HMGCLL1: variants seen among roughly 807,000 people sequenced by gnomAD.
HMGCLL1 encodes 3-hydroxymethyl-3-methylglutaryl-CoA lyase, cytoplasmic.
A neutral mutation model predicts 39.1 loss-of-function variants in HMGCLL1; 36 were observed. That is an observed-to-expected ratio of 0.92 (90% CI 0.71 to 1.22). The LOEUF (loss-of-function observed/expected upper bound fraction) is 1.22. HMGCLL1 is among the 50% of genes most tolerant of loss of function. The pLI, the probability that HMGCLL1 is intolerant of heterozygous loss-of-function variation, is 0.00. For synonymous variants in HMGCLL1, 149 were observed against 144.0 expected (o/e 1.03, Z -0.25); for missense variants, 451 against 416.5 (o/e 1.08, Z -0.72).
Position 55,575,373 on chromosome 6 carries a change from T to C in HMGCLL1, c.108+3575A>G, listed in dbSNP as rs1165880019. 2.0e-5 allele frequency among the ~76,000 whole-genome samples: 3 copies of C among 152,124 alleles called. No homozygotes were observed. The East Asian group carries it at 5.8e-4, about 29-fold the overall frequency. ...TGATAGTACATTGTTAAACTTCTAA[T>C]ATGTATATGTGTATATATTCATACA... On this transcript the variant is annotated intron_variant, in intron 1 of 8. Coordinates refer to ENST00000274901, the MANE Select transcript of HMGCLL1 (RefSeq NM_001042406.2).
chr6:55,631,670 T>G, the HMGCLL1 span, among the ~76,000 whole-genome samples: 1 of 152,168 alleles, frequency 6.6e-6, no homozygotes, highest in East Asian at 1.9e-4. Flanking sequence ...AATAATTCAT[T>G]GATTACTATG....
chr6:55,667,143 G>C, the HMGCLL1 span, among the ~76,000 whole-genome samples: 1 of 151,590 alleles, frequency 6.6e-6, no homozygotes, highest in Admixed American at 6.6e-5. Flanking sequence ...CAAGAAGGTG[G>C]ACAATATTTA....
At chr6:55,676,815 G>A in the HMGCLL1 span, among the ~76,000 whole-genome samples, 5 of 152,232 alleles carry the variant, frequency 3.3e-5, no homozygotes, top group Non-Finnish European at 4.4e-5. Flanking sequence ...CTTAATAAAT[G>A]CAGTGTAGAA....
chr6:55,572,124 A>G (rs936966386), intron 1 of HMGCLL1, among the ~76,000 whole-genome samples: 2 of 152,178 alleles, frequency 1.3e-5, no homozygotes, highest in African/African-American at 4.8e-5. Flanking sequence ...CAAGAGCATA[A>G]ACAAGCCTAC....
chr6:55,639,045 T>C, the HMGCLL1 span, among the ~76,000 whole-genome samples: 1 of 152,146 alleles, frequency 6.6e-6, no homozygotes, highest in Non-Finnish European at 1.5e-5. Flanking sequence ...TATCATTCTA[T>C]AAACTCTAGT....
In HMGCLL1 at chr6:55,439,450, C is replaced by A. The variant is rs539957076; in HGVS notation, c.905G>T (p.Gly302Val). Residue 302 changes from glycine (G) to valine (V), a missense_variant, in exon 8 of 9, where the codon GGC (glycine) becomes GTC (valine). Physicochemically the swap from Gly to Val is moderately radical, Grantham distance 109. Transcript: ENST00000274901. The part of the protein sequence containing the change: ...ATEDLIYMLN[G>V]LGLNTGVNLY... Reference sequence around the variant, plus strand: ...GTAACTTACTGTATTGAGCCCCAGGCCATTAAGCATATATATCAAATCCTC... The same window carrying A: ...GTAACTTACTGTATTGAGCCCCAGGACATTAAGCATATATATCAAATCCTC... The A allele has an allele frequency of 6.2e-7, 1 of 1,612,292 alleles. No homozygotes were observed. Among genetic ancestry groups the A allele is most frequent in the African/African-American group, 1.3e-5 (1 of 74,914 alleles).
chr6:55,532,777 G>C (rs1455481882), intron 3 of HMGCLL1, among the ~76,000 whole-genome samples: 1 of 149,012 alleles, frequency 6.7e-6, no homozygotes, highest in Admixed American at 6.7e-5. Context: ...CTCTAGCCTG[G>C]GCAACAAAGC....
intron 5 of HMGCLL1, among the ~76,000 whole-genome samples, chr6:55,503,856 G>T (rs989040724): frequency 6.6e-6 from 1 of 151,604 alleles, no homozygotes; most frequent in Non-Finnish European, 1.5e-5. Flanking sequence ...TTCCCCTCTA[G>T]CTTCTGTGGC....
chr6:55,492,952 T>C (rs1288423382), intron 7 of HMGCLL1, among the ~76,000 whole-genome samples: 1 of 151,866 alleles, frequency 6.6e-6, no homozygotes, highest in Non-Finnish European at 1.5e-5. Flanking sequence ...ACAGTATCGA[T>C]CTCTCCCCTC....
At chr6:55,507,471 C>T (rs530944097) in intron 5 of HMGCLL1, among the ~76,000 whole-genome samples, 2 of 144,696 alleles carry the variant, frequency 1.4e-5, no homozygotes, top group Admixed American at 1.4e-4. Context: ...ATGATCTGGG[C>T]TGGACACTTC....
At chr6:55,496,860 C>T (rs1458107399) in intron 6 of HMGCLL1, among the ~76,000 whole-genome samples, 2 of 152,070 alleles carry the variant, frequency 1.3e-5, no homozygotes, top group Non-Finnish European at 2.9e-5. Context: ...CAACAGTAAG[C>T]TATTAGTAGT....
At chr6:55,668,349 C>T in the HMGCLL1 span, among the ~76,000 whole-genome samples, 1 of 151,888 alleles carries the variant, frequency 6.6e-6, no homozygotes, top group African/African-American at 2.4e-5. Flanking sequence ...CTCAAAACTT[C>T]TGTAAATTAC....
intron 7 of HMGCLL1, among the ~76,000 whole-genome samples, chr6:55,489,209 A>G (rs1766193837): frequency 1.3e-5 from 2 of 152,108 alleles, no homozygotes; most frequent in Admixed American, 6.6e-5. Flanking sequence ...AAAAATAAAA[A>G]GCTTAATGTG....
At chr6:55,534,912 A>G (rs1416152636) in intron 3 of HMGCLL1, among the ~76,000 whole-genome samples, 1 of 152,198 alleles carries the variant, frequency 6.6e-6, no homozygotes, top group African/African-American at 2.4e-5. Context: ...AATATTTCCC[A>G]CAAGCTGCAT....
intron 1 of HMGCLL1, among the ~76,000 whole-genome samples, chr6:55,558,705 T>C (rs1408559032): frequency 6.6e-6 from 1 of 152,218 alleles, no homozygotes; most frequent in Non-Finnish European, 1.5e-5. Flanking sequence ...TCCTGGAGAC[T>C]GAGCTTTTTC....
the HMGCLL1 span, among the ~76,000 whole-genome samples, chr6:55,667,326 T>C: frequency 6.6e-6 from 1 of 151,836 alleles, no homozygotes; most frequent in African/African-American, 2.4e-5. Context: ...TAAAAATTAA[T>C]AATACTAAGC....
intron 7 of HMGCLL1, among the ~76,000 whole-genome samples, chr6:55,459,665 T>C (rs1030350602): frequency 1.6e-4 from 24 of 152,086 alleles, no homozygotes; most frequent in African/African-American, 5.3e-4. Context: ...GGTTTCTATG[T>C]ACAATCCACT....
At chr6:55,597,492 A>C in the HMGCLL1 span, among the ~76,000 whole-genome samples, 3 of 151,892 alleles carry the variant, frequency 2.0e-5, no homozygotes, top group East Asian at 5.8e-4. Context: ...GAGGGAATTG[A>C]AGTACAAAAC....
At chr6:55,626,219 C>A in the HMGCLL1 span, among the ~76,000 whole-genome samples, 1 of 152,094 alleles carries the variant, frequency 6.6e-6, no homozygotes, top group Non-Finnish European at 1.5e-5. Context: ...AATAGACACT[C>A]CAGATATGGG....
Sources: allele counts gnomAD v4.1 joint callset (sites outside exome capture counted in the v4.1 genomes callset), GRCh38; gene constraint gnomAD v4.1.1; transcripts MANE v1.5; gene names NCBI Gene and HGNC (gene_info 2026-07-23, HGNC 2026-07-21).